RAB38: variants seen among roughly 807,000 people sequenced by gnomAD.
RAB38 encodes ras-related protein Rab-38.
A neutral mutation model predicts 18.4 loss-of-function variants in RAB38; 15 were observed. The observed-to-expected ratio is 0.82, with a 90% CI of 0.55 to 1.26. The LOEUF (loss-of-function observed/expected upper bound fraction) is 1.26. Among genes scored for constraint, RAB38 ranks in the 50% most tolerant of loss-of-function variants. The probability of loss-of-function intolerance (pLI) is 0.00; values close to 1 mark genes in which losing one functional copy is unlikely to be tolerated. For synonymous variants in RAB38, 101 were observed against 104.4 expected (o/e 0.97, Z 0.20); for missense variants, 294 against 267.4 (o/e 1.10, Z -0.69).
chr11:88,010,669 C>T, the RAB38 span, among the ~76,000 whole-genome samples: 6 of 152,126 alleles, frequency 3.9e-5, no homozygotes, highest in African/African-American at 1.4e-4. Context: ...CAGTATTTTA[C>T]AAATCACTTT....
At chr11:88,143,228 G>C (rs945556358) in intron 2 of RAB38, among the ~76,000 whole-genome samples, 2 of 152,200 alleles carry the variant, frequency 1.3e-5, no homozygotes, top group Admixed American at 6.5e-5. Context: ...AGTACTTACT[G>C]TATAAGATTA....
chr11:87,971,897 A>G, the RAB38 span, among the ~76,000 whole-genome samples: 2 of 149,338 alleles, frequency 1.3e-5, no homozygotes, highest in African/African-American at 4.9e-5. Flanking sequence ...CCCTCTTGAA[A>G]TCTCACTAAA....
chr11:87,952,575 G>T, the RAB38 span, among the ~76,000 whole-genome samples: 1 of 152,112 alleles, frequency 6.6e-6, no homozygotes, highest in African/African-American at 2.4e-5. Flanking sequence ...GGTCCAAGAG[G>T]AACACAGCTA....
At chr11:87,964,090 T>C in the RAB38 span, among the ~76,000 whole-genome samples, 3 of 152,216 alleles carry the variant, frequency 2.0e-5, no homozygotes, top group African/African-American at 7.2e-5. Context: ...GAAGAAATTA[T>C]GGCTTGTATA....
chr11:87,944,151 T>C, the RAB38 span, among the ~76,000 whole-genome samples: 1 of 152,090 alleles, frequency 6.6e-6, no homozygotes, highest in Non-Finnish European at 1.5e-5. Flanking sequence ...AAAAGAAACA[T>C]AGATATATTA....
the RAB38 span, among the ~76,000 whole-genome samples, chr11:87,875,491 T>A: frequency 6.6e-6 from 1 of 151,502 alleles, no homozygotes; most frequent in African/African-American, 2.4e-5. Flanking sequence ...ATTTTAGATT[T>A]AGGGTATCAA....
At chr11:88,085,992 G>C in the RAB38 span, among the ~76,000 whole-genome samples, 2 of 151,822 alleles carry the variant, frequency 1.3e-5, no homozygotes, top group African/African-American at 4.8e-5. Context: ...TGGTAGACTG[G>C]TTTGAACTTT....
chr11:88,022,620 A>AAAAAC, the RAB38 span, among the ~76,000 whole-genome samples: 1 of 145,212 alleles, frequency 6.9e-6, no homozygotes, highest in South Asian at 2.1e-4. Flanking sequence ...ACAAAAAAAA[A>AAAAAC]AAAAAAAAAA....
intron 2 of RAB38, among the ~76,000 whole-genome samples, chr11:88,137,526 A>G (rs1942851260): frequency 6.6e-6 from 1 of 152,164 alleles, no homozygotes; most frequent in Non-Finnish European, 1.5e-5. Flanking sequence ...AACAGAATAA[A>G]ACAAAAATTG....
At chr11:87,976,976 TAA>T in the RAB38 span, among the ~76,000 whole-genome samples, 192 of 35,924 alleles carry the variant, frequency 5.3e-3, 78 homozygotes, top group Non-Finnish European at 6.4e-3. Context: ...AAGTATATTA[TAA>T]AATATAATTA....
the RAB38 span, among the ~76,000 whole-genome samples, chr11:87,977,549 A>G: frequency 8.7e-6 from 1 of 115,400 alleles, no homozygotes; most frequent in Admixed American, 1.0e-4. Context: ...ATTATTATAT[A>G]ATATAATTAT....
At chr11:88,079,187 C>G in the RAB38 span, among the ~76,000 whole-genome samples, 21 of 151,848 alleles carry the variant, frequency 1.4e-4, no homozygotes, top group African/African-American at 5.1e-4. Flanking sequence ...AGATAAATCT[C>G]TGGTTAAACT....
At chr11:88,012,926 G>C in the RAB38 span, among the ~76,000 whole-genome samples, 1 of 152,012 alleles carries the variant, frequency 6.6e-6, no homozygotes, top group African/African-American at 2.4e-5. Context: ...TCAAACAAAG[G>C]ACTACGTGTA....
the RAB38 span, among the ~76,000 whole-genome samples, chr11:87,946,261 G>C: frequency 6.6e-6 from 1 of 152,138 alleles, no homozygotes; most frequent in Admixed American, 6.6e-5. Context: ...CAGTTATTTA[G>C]CTCTTTGATG....
At chr11:87,937,542 C>T in the RAB38 span, among the ~76,000 whole-genome samples, 2 of 151,392 alleles carry the variant, frequency 1.3e-5, no homozygotes, top group African/African-American at 4.8e-5. Flanking sequence ...CTAGAATTAT[C>T]TAGTGCAACC....
the RAB38 span, among the ~76,000 whole-genome samples, chr11:87,950,729 C>T: frequency 6.6e-6 from 1 of 152,166 alleles, no homozygotes; most frequent in East Asian, 1.9e-4. Flanking sequence ...TCTCTTCTGG[C>T]TTGTAGAGTT....
chr11:87,850,714 C>CCACACACACACA, the RAB38 span, among the ~76,000 whole-genome samples: 76 of 146,516 alleles, frequency 5.2e-4, no homozygotes, highest in African/African-American at 1.8e-3. Flanking sequence ...CACAACACTG[C>CCACACACACACA]CACACACACA....
the RAB38 span, among the ~76,000 whole-genome samples, chr11:88,011,444 G>C: frequency 6.6e-6 from 1 of 152,174 alleles, no homozygotes; most frequent in Admixed American, 6.5e-5. Flanking sequence ...TGTAAAGGTA[G>C]ACTGACCTGC....
intron 1 of RAB38, among the ~76,000 whole-genome samples, chr11:88,174,601 G>C (rs1408258595): frequency 1.5e-5 from 2 of 130,664 alleles, no homozygotes; most frequent in Non-Finnish European, 3.1e-5. Flanking sequence ...AAAGTACTTG[G>C]CTTACTGTAA....
Sources: allele counts gnomAD v4.1 joint callset (sites outside exome capture counted in the v4.1 genomes callset), GRCh38; gene constraint gnomAD v4.1.1; transcripts MANE v1.5; gene names NCBI Gene and HGNC (gene_info 2026-07-23, HGNC 2026-07-21).